MTMR11: variants seen among roughly 807,000 people sequenced by gnomAD.
The protein encoded by MTMR11 is myotubularin related protein 11, also known as myotubularin-related protein 11.
A neutral mutation model predicts 100.0 loss-of-function variants in MTMR11; 89 were observed. The observed-to-expected ratio is 0.89, with a 90% CI of 0.75 to 1.06. The LOEUF is 1.06. Among genes scored for constraint, MTMR11 ranks in the 50% least tolerant of loss-of-function variants. MTMR11 has a pLI of 0.00. For missense variants in MTMR11, 809 were observed against 873.7 expected, an observed-to-expected ratio of 0.93 and a Z score of 0.93; for synonymous variants, 336 against 326.3, an observed-to-expected ratio of 1.03 and a Z score of -0.32.
At chr1:149,936,514 C>A in intron 1 of MTMR11, 68 bp downstream of exon 1, 1 of 1,315,328 alleles carries the variant, frequency 7.6e-7, no homozygotes, top group Admixed American at 2.1e-5. Flanking sequence ...CTTTGCTTCC[C>A]CCTTTTATCT....
chr1:149,934,342 G>A lies in MTMR11; in HGVS notation c.548-16C>T. 2 of 1,614,148 alleles carry A rather than the reference G, an allele frequency of 1.2e-6. No homozygotes were observed. The highest frequency in any genetic ancestry group is 1.7e-6 in the Non-Finnish European group (2 of 1,179,974). On this transcript the variant is annotated splice_polypyrimidine_tract_variant and intron_variant, in intron 6 of 16. Transcript: ENST00000439741. ...GAACCCTGGCCTAGAACAGGAGTGAGACATAGAGGAGGAAGGAGAAAATCA... is the reference window on the plus strand; with the variant it reads ...GAACCCTGGCCTAGAACAGGAGTGAAACATAGAGGAGGAAGGAGAAAATCA...
Position 149,930,440 on chromosome 1 carries a change from A to G in MTMR11, c.1572T>C (p.Asn524=), listed in dbSNP as rs782505512. 2 of 1,614,070 alleles carry G rather than the reference A, an allele frequency of 1.2e-6. No homozygotes were observed. The highest frequency in any genetic ancestry group is 1.3e-5 in the African/African-American group (1 of 75,012). Residue 524 remains asparagine, a synonymous_variant, in exon 15 of 17, where the codon AAT becomes AAC. Transcript: ENST00000439741. ...SVWDWDLRYS[N]AQILQFQNPG... is the part of the protein sequence containing the mutation. ...GATTCTGGAATTGTAGTATCTGTGC[A>G]TTGCTATAACGTAAATCCCAGTCCC... is the stretch of plus-strand genomic sequence containing the variant.
intron 1 of MTMR11, 70 bp downstream of exon 1, chr1:149,936,512 C>T: frequency 7.6e-7 from 1 of 1,308,614 alleles, no homozygotes; most frequent in Non-Finnish European, 1.1e-6. Context: ...GCCTTTGCTT[C>T]CCCCTTTTAT....
chr1:149,933,660 GAGA>G lies in MTMR11; in HGVS notation c.807_809del (p.Leu270del), dbSNP rs782219623. 4 of 1,614,210 alleles carry G rather than the reference GAGA, an allele frequency of 2.5e-6. No homozygotes were observed. The highest frequency in any genetic ancestry group is 2.2e-5 in the East Asian group (1 of 44,884). ...TGGCTGTATAGAAGCCTCCACAGCG[GAGA>G]AGATCACTGCCCCCAGGGTGATGCC... On this transcript the variant is annotated inframe_deletion, in exon 9 of 17. Transcript: ENST00000439741.
In MTMR11 at chr1:149,930,368, T is replaced by A; in HGVS notation, c.1644A>T (p.Pro548=). ...TTAGGAAGTTTAGACACTTCACCTG[T>A]GGTCTAGGGAGCCAGGAATCTGGAC... ...EHCPDSWLPR[P]QPSFMVPGPP... is the part of the protein sequence containing the mutation. The change falls in exon 15 of 17, where the codon CCA becomes CCT. Residue 548 remains proline (P), a synonymous_variant. Coordinates refer to ENST00000439741, the MANE Select transcript of MTMR11 (RefSeq NM_001145862.2). The A allele has an allele frequency of 6.2e-7, 1 of 1,612,486 alleles. No homozygotes were observed. Among genetic ancestry groups the A allele is most frequent in the Non-Finnish European group, 8.5e-7 (1 of 1,178,894 alleles).
At position 149,936,732 on chromosome 1, in the gene MTMR11, G is replaced by T; in HGVS notation, c.-85C>A. On this transcript the variant is annotated 5_prime_UTR_variant, in exon 1 of 17. Coordinates refer to ENST00000439741, the MANE Select transcript of MTMR11 (RefSeq NM_001145862.2). ...CCACCTCGGGGAGAGGCTGAGTCTT[G>T]TTGAGAAGAGGGGTGTTAGGGAGAG... is the stretch of plus-strand genomic sequence containing the variant. 3.4e-6 allele frequency: 3 copies of T among 891,922 alleles called. No homozygotes were observed. The highest frequency in any genetic ancestry group is 1.4e-5 in the South Asian group (1 of 70,546). The allele number at this position is 891,922 out of a possible 1,614,324, so 55.3% of individuals were successfully genotyped here.
intron 2 of MTMR11, 110 bp from the exon 3 acceptor site, chr1:149,935,815 T>C (rs2101677651): frequency 7.7e-7 from 1 of 1,297,002 alleles, no homozygotes; most frequent in Non-Finnish European, 1.0e-6. Flanking sequence ...ATTAAAATCC[T>C]CCCCAAAGCC....
Position 149,929,137 on chromosome 1 carries a change from G to C in MTMR11, c.2122C>G (p.Leu708Val). 2.5e-6 allele frequency: 4 copies of C among 1,611,090 alleles called. No homozygotes were observed. The highest frequency in any genetic ancestry group is 3.4e-6 in the Non-Finnish European group (4 of 1,178,320). ...TTAGACAGAACCCTCCTCTACCCCA[G>C]ATCCCCCTCTGCCCTGCCTTTGAGA... ...GILKGRAEGD[L>V]G The change falls in exon 17 of 17, where the codon CTG becomes GTG. Residue 708 changes from leucine (L) to valine (V), a missense_variant. Coordinates refer to ENST00000439741, the MANE Select transcript of MTMR11 (RefSeq NM_001145862.2).
intron 14 of MTMR11, 111 bp downstream of exon 14, chr1:149,930,681 T>A: frequency 7.4e-7 from 1 of 1,349,638 alleles, no homozygotes; most frequent in Non-Finnish European, 1.0e-6. Flanking sequence ...AGAATAAATC[T>A]CCCCCTCCCC....
chr1:149,936,851 A>T lies in MTMR11; in HGVS notation c.-204T>A, dbSNP rs2092728559. 1.7e-6 allele frequency: 1 copy of T among 571,982 alleles called. No homozygotes were observed. Among genetic ancestry groups the T allele is most frequent in the Non-Finnish European group, 3.1e-6 (1 of 327,280 alleles). The allele number at this position is 571,982 out of a possible 1,614,324, so 35.4% of individuals were successfully genotyped here. On this transcript the variant is annotated 5_prime_UTR_variant, in exon 1 of 17. Coordinates refer to ENST00000439741, the MANE Select transcript of MTMR11 (RefSeq NM_001145862.2). ...AAAGGTGTGTCCAGCCCAGCCTGAGAAGTCTCCTCGGAAACTTCAGTCGAC... is the reference window on the plus strand; with the variant it reads ...AAAGGTGTGTCCAGCCCAGCCTGAGTAGTCTCCTCGGAAACTTCAGTCGAC...
Position 149,932,252 on chromosome 1 carries a change from G to A in MTMR11, c.1052+12C>T, listed in dbSNP as rs1232914768. On this transcript the variant is annotated intron_variant, in intron 11 of 16. Transcript: ENST00000439741. ...GAATTATAAATGATGGCTAGAAGAA[G>A]CGAGGGAGTACCTGACATAGTCCAG... 3.1e-6 allele frequency: 5 copies of A among 1,612,412 alleles called. No homozygotes were observed. The East Asian group carries it at 1.1e-4, about 36-fold the overall frequency.
chr1:149,935,024 C>G lies in MTMR11; in HGVS notation c.430G>C (p.Gly144Arg), dbSNP rs2092705055. The G allele has an allele frequency of 1.9e-5, 31 of 1,614,078 alleles. No homozygotes were observed. Among genetic ancestry groups the G allele is most frequent in the Non-Finnish European group, 2.4e-5 (28 of 1,180,026 alleles). The change falls in exon 5 of 17, where the codon GGT (glycine) becomes CGT (arginine). Residue 144 changes from glycine to arginine, a missense_variant. Coordinates refer to ENST00000439741, the MANE Select transcript of MTMR11 (RefSeq NM_001145862.2). Reference protein sequence around the residue: ...HGRDFRLLRVGFEAGGLEPQA... With the variant: ...HGRDFRLLRVRFEAGGLEPQA... ...GGCTCTAGGCCTCCAGCCTCAAAAC[C>G]AACTCTGAGCAGCCGGAAGTCTCGG...
rs2101668656 is a variant in MTMR11 at position 149,933,488 on chromosome 1, GACA to G, written c.900_902del (p.Val301del). 2 of 1,614,130 alleles carry G rather than the reference GACA, an allele frequency of 1.2e-6. No individual in the cohort carries two copies. The highest frequency in any genetic ancestry group is 2.2e-5 in the East Asian group (1 of 44,878). ...GCAGCTCATCCATAGTGTCTACCAG[GACA>G]ACATCTGAATGCCCAGCCTGGAGCA... On this transcript the variant is annotated inframe_deletion, in exon 10 of 17. Coordinates refer to ENST00000439741, the MANE Select transcript of MTMR11 (RefSeq NM_001145862.2).
At chr1:149,934,871 G>A (rs2092703307) in intron 5 of MTMR11, 115 bp downstream of exon 5, 1 of 1,296,808 alleles carries the variant, frequency 7.7e-7, no homozygotes, top group Non-Finnish European at 1.1e-6. Flanking sequence ...TTCCTTGAGA[G>A]AAGCAGGGGG....
At position 149,928,941 on chromosome 1, in the gene MTMR11, TA is replaced by T. The variant is rs2092616903; in HGVS notation, c.*187del. On this transcript the variant is annotated 3_prime_UTR_variant, in exon 17 of 17. Transcript: ENST00000439741. ...CAATTTCTGGATTGTTTTTGTTTCT[TA>T]ATCCTTCAAATGACAAGAAGCAAAA... 1 of 1,613,990 alleles carries T rather than the reference TA, an allele frequency of 6.2e-7. No homozygotes were observed. Among genetic ancestry groups the T allele is most frequent in the African/African-American group, 1.3e-5 (1 of 74,922 alleles).
At chr1:149,934,384 T>G in intron 6 of MTMR11, 58 bp from the exon 7 acceptor site, 2 of 1,613,646 alleles carry the variant, frequency 1.2e-6, no homozygotes, top group Non-Finnish European at 1.7e-6. Flanking sequence ...GCTTCTCAGC[T>G]CTTTGTCATC....
Position 149,928,922 on chromosome 1 carries a change from C to A in MTMR11, c.*207G>T. ...TTGGCCTAAAAAAACCGATCAATTTCTGGATTGTTTTTGTTTCTTAATCCT... is the reference window on the plus strand; with the variant it reads ...TTGGCCTAAAAAAACCGATCAATTTATGGATTGTTTTTGTTTCTTAATCCT... On this transcript the variant is annotated 3_prime_UTR_variant, in exon 17 of 17. Coordinates refer to ENST00000439741, the MANE Select transcript of MTMR11 (RefSeq NM_001145862.2). 6.2e-7 allele frequency: 1 copy of A among 1,614,054 alleles called. No homozygotes were observed. The highest frequency in any genetic ancestry group is 1.1e-5 in the South Asian group (1 of 91,072).
chr1:149,935,819 C>T, intron 2 of MTMR11, 114 bp from the exon 3 acceptor site: 1 of 1,233,700 alleles, frequency 8.1e-7, no homozygotes, highest in Non-Finnish European at 1.1e-6. Flanking sequence ...AAATCCTCCC[C>T]AAAGCCCACT....
Position 149,929,211 on chromosome 1 carries a change from T to C in MTMR11, c.2048A>G (p.Lys683Arg), listed in dbSNP as rs2092621837. 2.5e-6 allele frequency: 4 copies of C among 1,613,988 alleles called. No individual in the cohort carries two copies. The highest frequency in any genetic ancestry group is 1.3e-5 in the African/African-American group (1 of 74,900). The stretch of plus-strand genomic sequence containing the variant: ...GAGAATGGTATGTGGATCTCTTTTC[T>C]TGGAGTGATCCTCAGGAGATATTCT... ...TPRISPEDHS[K>R]KRDPHTILNP... The change falls in exon 17 of 17, where the codon AAG becomes AGG. Residue 683 changes from lysine (K) to arginine (R), a missense_variant. Coordinates refer to ENST00000439741, the MANE Select transcript of MTMR11 (RefSeq NM_001145862.2).
Sources: gnomAD v4.1 joint callset for allele counts on GRCh38, gnomAD v4.1.1 for gene constraint, MANE v1.5 for transcripts, NCBI Gene and HGNC (gene_info 2026-07-23, HGNC 2026-07-21) for gene names.